PDE8A: variants seen among roughly 807,000 people sequenced by gnomAD.
The protein encoded by PDE8A is high affinity cAMP-specific and IBMX-insensitive 3',5'-cyclic phosphodiesterase 8A.
Under a neutral mutation model 105.0 loss-of-function variants are expected in PDE8A, and 59 were observed. The observed-to-expected ratio is 0.56, with a 90% CI of 0.46 to 0.70. The LOEUF is 0.70. Ranked by LOEUF, PDE8A falls within the 30% of genes least tolerant of loss-of-function variation. The pLI is 0.00. For missense variants in PDE8A, 1,014 were observed against 1,045.9 expected, an observed-to-expected ratio of 0.97 and a Z score of 0.42; for synonymous variants, 355 against 371.9, an observed-to-expected ratio of 0.95 and a Z score of 0.52.
intron 1 of PDE8A, among the ~76,000 whole-genome samples, chr15:85,047,031 TAAG>T (rs1335751868): frequency 6.6e-6 from 1 of 152,340 alleles, no homozygotes; most frequent in East Asian, 1.9e-4. Flanking sequence ...TATAAAAGAT[TAAG>T]AACGTGTATA....
At chr15:85,094,553 C>G (rs115234366) in intron 8 of PDE8A, among the ~76,000 whole-genome samples, 41 of 152,356 alleles carry the variant, frequency 2.7e-4, no homozygotes, top group African/African-American at 9.9e-4. Context: ...TCTTAATTGT[C>G]TAGCAATGGT....
intron 5 of PDE8A, among the ~76,000 whole-genome samples, chr15:85,077,098 C>G (rs1475418091): frequency 6.6e-6 from 1 of 152,222 alleles, no homozygotes; most frequent in East Asian, 1.9e-4. Context: ...TATAATAGTT[C>G]ATAGTCTCTC....
At position 85,100,217 on chromosome 15, in the gene PDE8A, A is replaced by T; in HGVS notation, c.1036+19A>T. On this transcript the variant is annotated intron_variant, in intron 11 of 21. Coordinates refer to ENST00000394553, the MANE Select transcript of PDE8A (RefSeq NM_002605.3). ...CATACAGGTACGGTGCCCCGTATTT[A>T]TTCTTAGAGTTCATTGAGTTTTTGG... The T allele has an allele frequency of 6.3e-7, 1 of 1,597,720 alleles. No homozygotes were observed. Among genetic ancestry groups the T allele is most frequent in the Non-Finnish European group, 8.6e-7 (1 of 1,167,352 alleles).
rs375752737 is a variant in PDE8A, at chr15:85,072,055, A to G, written c.435-3807A>G. Among the ~76,000 whole-genome samples the G allele has an allele frequency of 5.3e-5, 8 of 152,226 alleles. No homozygotes were observed. The East Asian group carries it at 9.6e-4, about 18-fold the overall frequency. Reference sequence around the variant, plus strand: ...TTGAAAACCCAAAACGCATTAACAGAATTAAAATCTATGTTGAATGCAGAA... The same window carrying G: ...TTGAAAACCCAAAACGCATTAACAGGATTAAAATCTATGTTGAATGCAGAA... On this transcript the variant is annotated intron_variant, in intron 3 of 21. Coordinates refer to ENST00000394553, the MANE Select transcript of PDE8A (RefSeq NM_002605.3).
At chr15:85,126,108 C>T in intron 19 of PDE8A, 99 bp from the exon 20 acceptor site, 1 of 757,152 alleles carries the variant, frequency 1.3e-6, no homozygotes, top group South Asian at 2.5e-5. Flanking sequence ...TAGATCCTGA[C>T]TAGTGCTCTT....
At position 85,034,671 on chromosome 15, in the gene PDE8A, G is replaced by A. The variant is rs190127080; in HGVS notation, c.187-29699G>A. Among the ~76,000 whole-genome samples, 144 of 152,258 alleles carry A rather than the reference G, an allele frequency of 9.5e-4. 1 individual carries two copies. The highest frequency in any genetic ancestry group is 3.3e-3 in the African/African-American group (139 of 41,562). On this transcript the variant is annotated intron_variant, in intron 1 of 21. Transcript: ENST00000394553. ...GAGTTAATATAACTGACTAAAATAG[G>A]TTAGCAAAAGAATGGTGCAGGAGAA... is the stretch of plus-strand genomic sequence containing the variant.
chr15:85,105,083 G>A (rs920886663), intron 11 of PDE8A, among the ~76,000 whole-genome samples: 2 of 152,134 alleles, frequency 1.3e-5, no homozygotes, highest in Non-Finnish European at 2.9e-5. Context: ...GTCAGGACAT[G>A]CCTTGCCAGT....
intron 1 of PDE8A, among the ~76,000 whole-genome samples, chr15:84,985,467 C>G (rs905359746): frequency 6.6e-6 from 1 of 152,148 alleles, no homozygotes; most frequent in African/African-American, 2.4e-5. Flanking sequence ...TTAATATTTT[C>G]TTGCCAGTCT....
intron 1 of PDE8A, among the ~76,000 whole-genome samples, chr15:85,041,310 A>C (rs1419036458): frequency 6.6e-6 from 1 of 152,228 alleles, no homozygotes; most frequent in Non-Finnish European, 1.5e-5. Flanking sequence ...AAATGCTTAA[A>C]ACATCATTTT....
intron 1 of PDE8A, among the ~76,000 whole-genome samples, chr15:84,991,872 G>T (rs1364658008): frequency 6.6e-6 from 1 of 152,140 alleles, no homozygotes; most frequent in Non-Finnish European, 1.5e-5. Flanking sequence ...GATAGGCTGG[G>T]AGTGGTGGCT....
chr15:84,982,469 T>A, intron 1 of PDE8A, 121 bp downstream of exon 1: 1 of 544,266 alleles, frequency 1.8e-6, no homozygotes, highest in Non-Finnish European at 2.8e-6. Context: ...TGTCCCGCTT[T>A]GGATGGTTCT....
intron 18 of PDE8A, among the ~76,000 whole-genome samples, chr15:85,121,436 A>G (rs1458853486): frequency 6.6e-6 from 1 of 152,150 alleles, no homozygotes; most frequent in African/African-American, 2.4e-5. Context: ...TGCTAAGTTA[A>G]ACCCTCTAAT....
intron 1 of PDE8A, among the ~76,000 whole-genome samples, chr15:85,021,098 G>C (rs528653220): frequency 6.6e-6 from 1 of 152,126 alleles, no homozygotes; most frequent in Admixed American, 6.6e-5. Flanking sequence ...AATGGGATTA[G>C]TTCCCTTAAA....
chr15:85,014,294 G>T (rs530497516), intron 1 of PDE8A, among the ~76,000 whole-genome samples: 1 of 152,008 alleles, frequency 6.6e-6, no homozygotes, highest in Admixed American at 6.6e-5. Context: ...GTACAGGTGC[G>T]GGCCACTAGT....
rs2080951874 is a variant in PDE8A at position 85,050,240 on chromosome 15, ATTAC to A, written c.187-14127_187-14124del. ...TCTCTTATCAGATATATGATTGGCA[ATTAC>A]TTTTTCCAGTTCTGTGGATTGCATT... On this transcript the variant is annotated intron_variant, in intron 1 of 21. Transcript: ENST00000394553. Among the ~76,000 whole-genome samples the A allele has an allele frequency of 2.0e-5, 3 of 152,280 alleles. No individual in the cohort carries two copies. In the South Asian group the frequency reaches 6.2e-4, roughly 32 times the overall value.
At chr15:84,994,032 G>T (rs1489215107) in intron 1 of PDE8A, among the ~76,000 whole-genome samples, 2 of 152,102 alleles carry the variant, frequency 1.3e-5, no homozygotes, top group African/African-American at 4.8e-5. Context: ...AGATTGAGAC[G>T]CATCTTGATC....
chr15:85,081,567 G>C (rs1481645476), intron 5 of PDE8A, among the ~76,000 whole-genome samples: 1 of 152,166 alleles, frequency 6.6e-6, no homozygotes, highest in Non-Finnish European at 1.5e-5. Context: ...CGTGGAAGAA[G>C]GTTAAGGGAG....
intron 16 of PDE8A, among the ~76,000 whole-genome samples, chr15:85,116,963 G>A (rs999664637): frequency 6.6e-6 from 1 of 152,210 alleles, no homozygotes. Context: ...TTGGGCTAAG[G>A]CAGGTCAGTT....
chr15:85,131,036 C>A (rs2082323249), intron 20 of PDE8A, among the ~76,000 whole-genome samples: 1 of 152,182 alleles, frequency 6.6e-6, no homozygotes, highest in Non-Finnish European at 1.5e-5. Flanking sequence ...AGATTACAGG[C>A]CTGAGCCACC....
Sources: allele counts gnomAD v4.1 joint callset (sites outside exome capture counted in the v4.1 genomes callset), GRCh38; gene constraint gnomAD v4.1.1; transcripts MANE v1.5; gene names NCBI Gene and HGNC (gene_info 2026-07-23, HGNC 2026-07-21).